LINGO1: variants seen among roughly 807,000 people sequenced by gnomAD.
LINGO1 encodes the protein leucine rich repeat and Ig domain containing 1.
A neutral mutation model predicts 37.3 loss-of-function variants in LINGO1; 11 were observed. The ratio of observed to expected loss-of-function variants is 0.29; its 90% confidence interval spans 0.19 to 0.49. LINGO1 has a LOEUF of 0.49. LINGO1 is among the 20% of genes least tolerant of loss of function. LINGO1 has a pLI of 0.99. For synonymous variants in LINGO1, 387 were observed against 403.0 expected (o/e 0.96, Z 0.48); for missense variants, 585 against 878.2 (o/e 0.67, Z 4.22).
chr15:77,677,737 G>A (rs1175212067), intron 2 of LINGO1, among the ~76,000 whole-genome samples: 2 of 151,980 alleles, frequency 1.3e-5, no homozygotes, highest in African/African-American at 2.4e-5. Flanking sequence ...GTGACACCCC[G>A]ATCCACCCTT....
intron 2 of LINGO1, among the ~76,000 whole-genome samples, chr15:77,705,203 A>C (rs995499489): frequency 1.3e-5 from 2 of 148,760 alleles, no homozygotes; most frequent in Non-Finnish European, 1.5e-5. Context: ...ACACACACAC[A>C]CACCAGTCCA....
At chr15:77,776,526 A>AAGGGAGTAAGGG (rs1555541378) in intron 1 of LINGO1, among the ~76,000 whole-genome samples, 2,568 of 35,024 alleles carry the variant, frequency 0.073, 196 homozygotes, top group East Asian at 0.12. Context: ...GGAAGGGAGG[A>AAGGGAGTAAGGG]AGGGAGGGAG....
At chr15:77,704,566 CACACTGAGCTCTGACCCTGGTCAG>C (rs1056034854) in intron 2 of LINGO1, among the ~76,000 whole-genome samples, 2 of 149,648 alleles carry the variant, frequency 1.3e-5, no homozygotes, top group African/African-American at 2.5e-5. Flanking sequence ...ACCCTGGTCA[CACACTGAGCTCTGACCCTGGTCAG>C]ACACTGAACC....
At chr15:77,695,394 T>G (rs1194815975) in intron 1 of LINGO1, among the ~76,000 whole-genome samples, 1 of 152,066 alleles carries the variant, frequency 6.6e-6, no homozygotes, top group East Asian at 1.9e-4. Context: ...ATGGGAACCC[T>G]GCAGGGGCCA....
intron 3 of LINGO1, among the ~76,000 whole-genome samples, chr15:77,661,366 C>T (rs1157028068): frequency 6.6e-6 from 1 of 152,232 alleles, no homozygotes; most frequent in Non-Finnish European, 1.5e-5. Context: ...ACAAGCTGCC[C>T]CCAATGCCCA....
In LINGO1 at chr15:77,749,912, C is replaced by T. The variant is rs551062198; in HGVS notation, c.-256-14859G>A. On this transcript the variant is annotated intron_variant, in intron 1 of 3. Transcript: ENST00000561686. The stretch of plus-strand genomic sequence containing the variant: ...CTGGACAAGCTGCCATGGGGCAGGC[C>T]GGCTCTCTCCAATTTAATCCTCCCA... 3.3e-5 allele frequency among the ~76,000 whole-genome samples: 5 copies of T among 152,056 alleles called. No homozygotes were observed. In the South Asian group the frequency reaches 8.3e-4, roughly 25 times the overall value.
At chr15:77,731,132 C>A (rs2076151157) in intron 2 of LINGO1, among the ~76,000 whole-genome samples, 1 of 152,188 alleles carries the variant, frequency 6.6e-6, no homozygotes, top group Non-Finnish European at 1.5e-5. Flanking sequence ...CCCAGACACC[C>A]CTCCATCCTG....
In LINGO1 at chr15:77,691,440, G is replaced by A. The variant is rs1022134081; in HGVS notation, c.-280-539C>T. On this transcript the variant is annotated intron_variant, in intron 1 of 3. Coordinates refer to the LINGO1 transcript ENST00000559893. ...CTCGTGTTTTCCCATCATGTTCATC[G>A]CCAGCAGTGTCTTGCTGTCTTGATA... 5.3e-5 allele frequency among the ~76,000 whole-genome samples: 8 copies of A among 152,118 alleles called. No individual in the cohort carries two copies. In the South Asian group the frequency reaches 6.2e-4, roughly 12 times the overall value.
rs2076289102 is a variant in LINGO1, at chr15:77,743,940, CTGTAGCCAAGCCACA to C, written c.-256-8902_-256-8888del. 2.0e-5 allele frequency among the ~76,000 whole-genome samples: 3 copies of C among 152,334 alleles called. 1 individual carries two copies. The South Asian group carries it at 6.2e-4, about 32-fold the overall frequency. On this transcript the variant is annotated intron_variant, in intron 1 of 3. Coordinates refer to the LINGO1 transcript ENST00000561686. ...TCCCTGCCTTCATTTATTGATCCAT[CTGTAGCCAAGCCACA>C]AGTATTTCTTGAGCATCTACTATAC...
intron 1 of LINGO1, among the ~76,000 whole-genome samples, chr15:77,736,853 T>C (rs2076209019): frequency 1.3e-5 from 2 of 152,188 alleles, no homozygotes; most frequent in South Asian, 4.1e-4. Context: ...TGGTGACCAG[T>C]AAGCCGCCTG....
rs2074286022 is a variant in LINGO1, at chr15:77,632,435, C to G, written c.-120G>C. 18 of 1,108,712 alleles carry G rather than the reference C, an allele frequency of 1.6e-5. No individual in the cohort carries two copies. The highest frequency in any genetic ancestry group is 1.8e-5 in the Non-Finnish European group (16 of 872,670). 68.7% of individuals were successfully genotyped at this position (1,108,712 alleles called of 1,614,324 possible). ...CCGTTTCCTCCTCCTCCGACACCTC[C>G]GCCCGGCAGTCCGCGCGCCCTCGCG... is the stretch of plus-strand genomic sequence containing the variant. On this transcript the variant is annotated 5_prime_UTR_variant, in exon 1 of 2. Coordinates refer to ENST00000355300, the MANE Select transcript of LINGO1 (RefSeq NM_032808.7). The surrounding 1 kb of genome is among the most constrained non-coding windows in gnomAD (Gnocchi z 6.0).
intron 2 of LINGO1, among the ~76,000 whole-genome samples, chr15:77,689,032 T>G (rs895293757): frequency 2.0e-5 from 3 of 152,100 alleles, no homozygotes; most frequent in African/African-American, 7.2e-5. Flanking sequence ...GCCGGAGCAG[T>G]CAGCAGAGGC....
intron 1 of LINGO1, among the ~76,000 whole-genome samples, chr15:77,812,298 T>C (rs72730751): frequency 0.075 from 11,440 of 152,282 alleles, 584 homozygotes; most frequent in African/African-American, 0.15. Context: ...ACCATCCTCT[T>C]GGAGCCTCAG....
At chr15:77,697,854 G>A (rs968428638), upstream of LINGO1, among the ~76,000 whole-genome samples, 5 of 152,282 alleles carry the variant, frequency 3.3e-5, no homozygotes, top group South Asian at 2.1e-4. Flanking sequence ...GAAGGGCACC[G>A]CAGACTGCAC....
chr15:77,751,285 G>A (rs553804642), intron 1 of LINGO1, among the ~76,000 whole-genome samples: 10 of 152,220 alleles, frequency 6.6e-5, no homozygotes, highest in Admixed American at 2.0e-4. Flanking sequence ...GATCCTTGCA[G>A]GGTGCCTTGA....
At chr15:77,801,625 T>C (rs1033475381) in intron 1 of LINGO1, among the ~76,000 whole-genome samples, 5 of 150,758 alleles carry the variant, frequency 3.3e-5, no homozygotes, top group African/African-American at 9.8e-5. Flanking sequence ...CAGACCCTAA[T>C]AGGAAATGCA....
intron 3 of LINGO1, among the ~76,000 whole-genome samples, chr15:77,652,483 A>AGAGTGTGTGTGTGT (rs1555525720): frequency 7.0e-5 from 9 of 128,958 alleles, no homozygotes; most frequent in Middle Eastern, 4.0e-3. Context: ...GGGGAGGGAG[A>AGAGTGTGTGTGTGT]GTGTGTGTGT....
chr15:77,774,732 CAGA>C (rs1567576289), intron 1 of LINGO1, among the ~76,000 whole-genome samples: 1 of 152,150 alleles, frequency 6.6e-6, no homozygotes, highest in East Asian at 1.9e-4. Context: ...GGCCATGCAG[CAGA>C]AGGAGATGAA....
In LINGO1 at chr15:77,817,933, G is replaced by A. The variant is rs114939267; in HGVS notation, c.-458+2325C>T. Among the ~76,000 whole-genome samples, 844 of 152,336 alleles carry A rather than the reference G, an allele frequency of 5.5e-3. 14 individuals carry two copies. The highest frequency in any genetic ancestry group is 0.02 in the African/African-American group (822 of 41,568). On this transcript the variant is annotated intron_variant, in intron 1 of 5. Transcript: ENST00000562933. The stretch of plus-strand genomic sequence containing the variant: ...GTGGAAGTAAGGTTTAAGCCTGAAA[G>A]CTGATATTACCATAGACATTACCAT...
Sources: allele counts gnomAD v4.1 joint callset (sites outside exome capture counted in the v4.1 genomes callset), GRCh38; gene constraint gnomAD v4.1.1; non-coding constraint Gnocchi (gnomAD v3.1); transcripts MANE v1.5; gene names NCBI Gene and HGNC (gene_info 2026-07-23, HGNC 2026-07-21).